The following CSAD variants were observed in gnomAD, a reference collection of about 807,000 sequenced individuals.
CSAD encodes the protein P-selectin cytoplasmic tail-associated protein.
A neutral mutation model predicts 61.5 loss-of-function variants in CSAD; 47 were observed. That is an observed-to-expected ratio of 0.76 (90% CI 0.60 to 0.97). CSAD has a LOEUF of 0.97. Ranked by LOEUF, CSAD falls within the 50% of genes least tolerant of loss-of-function variation. The pLI, the probability that CSAD is intolerant of heterozygous loss-of-function variation, is 0.00. For missense variants in CSAD, 611 were observed against 643.6 expected (o/e 0.95, Z 0.55); for synonymous variants, 245 against 252.7 (o/e 0.97, Z 0.29).
intron 10 of CSAD, among the ~76,000 whole-genome samples, chr12:53,163,343 G>A (rs1350700836): frequency 1.3e-5 from 2 of 152,150 alleles, no homozygotes; most frequent in Non-Finnish European, 2.9e-5. Flanking sequence ...CTGCACTCCA[G>A]CCTCAGCAAC....
chr12:53,166,182 T>A (rs1401102113), intron 10 of CSAD: 1 of 151,592 alleles, frequency 6.6e-6, no homozygotes, highest in Non-Finnish European at 1.5e-5. Flanking sequence ...TACAAAAAAT[T>A]AGCTGGGCAT....
At chr12:53,163,595 A>C (rs1212999521) in intron 10 of CSAD, among the ~76,000 whole-genome samples, 1 of 152,216 alleles carries the variant, frequency 6.6e-6, no homozygotes, top group Non-Finnish European at 1.5e-5. Context: ...AGAATAAAAT[A>C]CTTAATCTAT....
rs1939015638 is a variant in CSAD, at chr12:53,159,651, C to T, written c.1280G>A (p.Ser427Asn). 3.1e-6 allele frequency: 5 copies of T among 1,611,770 alleles called. No individual in the cohort carries two copies. The highest frequency in any genetic ancestry group is 3.4e-6 in the Non-Finnish European group (4 of 1,179,130). The change falls in exon 16 of 17, where the codon AGT becomes AAT. Residue 427 changes from serine to asparagine, a missense_variant. Ser to Asn is a conservative substitution (Grantham distance 46, BLOSUM62 1). Coordinates refer to ENST00000444623, the MANE Select transcript of CSAD (RefSeq NM_001244705.2). ...TGACAGCCTTTCGTGGTAATCTGGA[C>T]TCTCCTGCTTCCCTCGCAGGCTGGG... ...VPPSLRGKQE[S>N]PDYHERLSKV...
chr12:53,170,680 G>C (rs990365484), intron 8 of CSAD, 178 bp from the exon 9 acceptor site: 1 of 617,014 alleles, frequency 1.6e-6, no homozygotes, highest in African/African-American at 1.8e-5. Context: ...TGGTCCACTA[G>C]GTCTGGGGTC....
At chr12:53,181,089 C>A (rs1334201047), upstream of CSAD, 1 of 902,374 alleles carries the variant, frequency 1.1e-6, no homozygotes, top group Non-Finnish European at 1.3e-6. Flanking sequence ...ACGCATCTCG[C>A]GCGCTTCTCG....
Position 53,179,158 on chromosome 12 carries a change from A to G in CSAD, c.-90-16T>C, listed in dbSNP as rs969705382. 6.6e-6 allele frequency: 1 copy of G among 152,378 alleles called. No homozygotes were observed. The highest frequency in any genetic ancestry group is 2.4e-5 in the African/African-American group (1 of 41,470). The allele number at this position is 152,378 out of a possible 1,614,324, so 9.4% of individuals were successfully genotyped here. A position where few individuals can be genotyped will look rare whatever the true frequency, so the allele number is the denominator to read the frequency against. On this transcript the variant is annotated splice_polypyrimidine_tract_variant and intron_variant, in intron 1 of 16. Transcript: ENST00000444623. ...GTGAGCCACCCTGCCCGGAGCAAAA[A>G]GATAACTATTTAAGGATGTTCATTA... is the stretch of plus-strand genomic sequence containing the variant.
intron 16 of CSAD, among the ~76,000 whole-genome samples, chr12:53,159,086 T>G (rs1938926490): frequency 6.6e-6 from 1 of 152,250 alleles, no homozygotes; most frequent in Non-Finnish European, 1.5e-5. Flanking sequence ...CCCTGTGATC[T>G]AGCAAGTAAT....
intron 10 of CSAD, among the ~76,000 whole-genome samples, chr12:53,167,789 G>T (rs1940101191): frequency 6.6e-6 from 1 of 152,194 alleles, no homozygotes; most frequent in Non-Finnish European, 1.5e-5. Flanking sequence ...TTGTAAACTG[G>T]TGCAGCCACT....
At chr12:53,165,852 C>G (rs1009383774) in intron 10 of CSAD, among the ~76,000 whole-genome samples, 1 of 152,062 alleles carries the variant, frequency 6.6e-6, no homozygotes, top group Non-Finnish European at 1.5e-5. Flanking sequence ...AGTATACACC[C>G]AAAACACTGA....
chr12:53,170,415 A>G lies in CSAD; in HGVS notation c.647+8T>C. The G allele has an allele frequency of 6.2e-7, 1 of 1,612,966 alleles. No individual in the cohort carries two copies. Among genetic ancestry groups the G allele is most frequent in the Non-Finnish European group, 8.5e-7 (1 of 1,179,030 alleles). ...AGGTCACAGCCATGTGGGCAGAAGG[A>G]CCTTCACCTCTCATCAGCCTTGACC... is the stretch of plus-strand genomic sequence containing the variant. On this transcript the variant is annotated splice_region_variant and intron_variant, in intron 9 of 16. Coordinates refer to ENST00000444623, the MANE Select transcript of CSAD (RefSeq NM_001244705.2).
At chr12:53,173,828 T>G (rs1200480638) in intron 2 of CSAD, 58 bp from the exon 3 acceptor site, 2 of 1,567,228 alleles carry the variant, frequency 1.3e-6, no homozygotes, top group East Asian at 4.6e-5. Context: ...TACAATTAAG[T>G]GTTTTTTTCA....
In CSAD at chr12:53,158,388, G is replaced by A. The variant is rs951130487; in HGVS notation, c.*123C>T. On this transcript the variant is annotated 3_prime_UTR_variant, in exon 17 of 17. Transcript: ENST00000444623. Reference sequence around the variant, plus strand: ...TGACCTCAAGTGATCCACCCGCCTCGGCCTCCCAAAGTGCTGGGATTACAG... The same window carrying A: ...TGACCTCAAGTGATCCACCCGCCTCAGCCTCCCAAAGTGCTGGGATTACAG... 162 of 967,412 alleles carry A rather than the reference G, an allele frequency of 1.7e-4. No individual in the cohort carries two copies. Among genetic ancestry groups the A allele is most frequent in the Admixed American group, 2.8e-4 (11 of 39,666 alleles). The allele number at this position is 967,412 out of a possible 1,614,324, so 59.9% of individuals were successfully genotyped here.
At chr12:53,181,057 C>T (rs1941593139), upstream of CSAD, 2 of 898,152 alleles carry the variant, frequency 2.2e-6, no homozygotes, top group Non-Finnish European at 2.8e-6. Flanking sequence ...AGAGGGCTCT[C>T]GGAGGGGACG....
chr12:53,180,443 A>G, intron 1 of CSAD: 2 of 1,177,946 alleles, frequency 1.7e-6, no homozygotes, highest in Non-Finnish European at 1.1e-6. Flanking sequence ...GCGTACAATC[A>G]TCGAAGGGCC....
At chr12:53,170,257 G>A in intron 9 of CSAD, 131 bp from the exon 10 acceptor site, 1 of 1,001,104 alleles carries the variant, frequency 1.0e-6, no homozygotes, top group Non-Finnish European at 1.5e-6. Context: ...TCAGGGCAGA[G>A]GTGGGAGACG....
chr12:53,172,055 G>T, intron 6 of CSAD, 67 bp from the exon 7 acceptor site: 1 of 1,135,560 alleles, frequency 8.8e-7, no homozygotes, highest in Non-Finnish European at 1.3e-6. Flanking sequence ...CCCTTAAACT[G>T]CACAGGAGTC....
intron 1 of CSAD, chr12:53,180,251 T>C (rs1028399121): frequency 1.4e-5 from 14 of 985,114 alleles, no homozygotes; most frequent in Non-Finnish European, 1.7e-5. Context: ...ACGGAAAAAA[T>C]TCGGAGAAGA....
At chr12:53,178,335 C>A in intron 2 of CSAD, 1 of 452,774 alleles carries the variant, frequency 2.2e-6, no homozygotes, top group South Asian at 1.6e-5. Context: ...AAAAAAAAAA[C>A]TACAAAATTA....
Position 53,170,039 on chromosome 12 carries a change from G to T in CSAD, c.702+33C>A, listed in dbSNP as rs1372305742. On this transcript the variant is annotated intron_variant, in intron 10 of 16. Transcript: ENST00000444623. ...AAATAACCCTCCAAGACAGTTGGAG[G>T]CTATATCACCCCAGCGAGCCTCACT... 2.5e-6 allele frequency: 4 copies of T among 1,593,900 alleles called. No individual in the cohort carries two copies. The East Asian group carries it at 8.9e-5, about 36-fold the overall frequency.
Sources: allele counts gnomAD v4.1 joint callset (sites outside exome capture counted in the v4.1 genomes callset), GRCh38; gene constraint gnomAD v4.1.1; transcripts MANE v1.5; gene names NCBI Gene and HGNC (gene_info 2026-07-23, HGNC 2026-07-21).